Variants in RGS7 observed in about 807,000 individuals in gnomAD.
The protein encoded by RGS7 is regulator of G-protein signaling 7.
RGS7 carries 27 observed loss-of-function variants against 81.1 expected under a neutral mutation model. That is an observed-to-expected ratio of 0.33 (90% confidence interval 0.25 to 0.46). The LOEUF is 0.46. Ranked by LOEUF, RGS7 falls within the 20% of genes least tolerant of loss-of-function variation. RGS7 has a pLI of 1.00. For synonymous variants in RGS7, 208 were observed against 207.7 expected (o/e 1.00, Z -0.01); for missense variants, 396 against 607.4 (o/e 0.65, Z 3.66).
At chr1:240,883,733 A>G (rs1666832230) in intron 6 of RGS7, among the ~76,000 whole-genome samples, 1 of 152,166 alleles carries the variant, frequency 6.6e-6, no homozygotes, top group Non-Finnish European at 1.5e-5. Flanking sequence ...TTTGTGGGAC[A>G]TGTGGTGCCA....
chr1:240,925,282 T>TC (rs1186028228), intron 6 of RGS7, among the ~76,000 whole-genome samples: 1 of 151,850 alleles, frequency 6.6e-6, no homozygotes, highest in African/African-American at 2.4e-5. Flanking sequence ...CCTCCATCAT[T>TC]CCCCCCACCA....
intron 6 of RGS7, among the ~76,000 whole-genome samples, chr1:240,918,487 T>A (rs1030581511): frequency 6.6e-6 from 1 of 152,008 alleles, no homozygotes; most frequent in African/African-American, 2.4e-5. Context: ...ACAGTACACT[T>A]CTAAACAACA....
chr1:241,108,720 T>G (rs1348073377), intron 2 of RGS7, among the ~76,000 whole-genome samples: 1 of 152,098 alleles, frequency 6.6e-6, no homozygotes, highest in Non-Finnish European at 1.5e-5. Context: ...GTAGGCAGGA[T>G]AGAGAGCTAT....
chr1:240,929,009 A>C (rs1035797827), intron 6 of RGS7, among the ~76,000 whole-genome samples: 1 of 152,262 alleles, frequency 6.6e-6, no homozygotes, highest in African/African-American at 2.4e-5. Context: ...AGTATGTGAG[A>C]GGACCAATAC....
At chr1:240,837,502 G>C (rs981329886) in intron 9 of RGS7, among the ~76,000 whole-genome samples, 1 of 152,182 alleles carries the variant, frequency 6.6e-6, no homozygotes, top group East Asian at 1.9e-4. Flanking sequence ...GCATTATACT[G>C]TTCCTCTGGT....
chr1:240,999,872 C>T (rs946015809), intron 3 of RGS7, among the ~76,000 whole-genome samples: 14 of 152,180 alleles, frequency 9.2e-5, no homozygotes, highest in African/African-American at 3.1e-4. Flanking sequence ...CAAAGTGCTG[C>T]GACTACAGGC....
At chr1:240,838,078 A>T (rs1351154890) in intron 9 of RGS7, among the ~76,000 whole-genome samples, 1 of 152,238 alleles carries the variant, frequency 6.6e-6, no homozygotes, top group Non-Finnish European at 1.5e-5. Context: ...TCAGACTTCT[A>T]TAACAAAATA....
rs61833785 is a variant in RGS7, at chr1:241,201,854, G to T, written c.79-103092C>A. 1.8e-3 allele frequency among the ~76,000 whole-genome samples: 273 copies of T among 152,146 alleles called. 1 individual carries two copies. The highest frequency in any genetic ancestry group is 7.5e-3 in the South Asian group (36 of 4,810). ...AGCCAGGATCAGAATCCAAGACTTT[G>T]GGATTCCAAAGTCAATTTTCTTTAT... On this transcript the variant is annotated intron_variant, in intron 2 of 18. Coordinates refer to ENST00000440928, the MANE Select transcript of RGS7 (RefSeq NM_001364886.1).
chr1:240,779,171 A>C (rs1294043451), intron 18 of RGS7, among the ~76,000 whole-genome samples: 1 of 149,136 alleles, frequency 6.7e-6, no homozygotes, highest in Non-Finnish European at 1.5e-5. Flanking sequence ...CTGGAGTGCA[A>C]TGGCGCAATC....
At chr1:240,776,326 T>C in intron 18 of RGS7, 113 bp from the exon 19 acceptor site, 1 of 796,838 alleles carries the variant, frequency 1.3e-6, no homozygotes, top group South Asian at 1.4e-5. Context: ...AGGTCAACAC[T>C]GAACCCTTTA....
At chr1:240,859,700 T>G (rs1572455816) in intron 9 of RGS7, among the ~76,000 whole-genome samples, 1 of 152,058 alleles carries the variant, frequency 6.6e-6, no homozygotes, top group African/African-American at 2.4e-5. Flanking sequence ...CTCTTGCCAT[T>G]CTCATTGATA....
chr1:240,949,164 G>A (rs1679138424), intron 4 of RGS7, among the ~76,000 whole-genome samples: 1 of 152,146 alleles, frequency 6.6e-6, no homozygotes, highest in Non-Finnish European at 1.5e-5. Flanking sequence ...TTTCTCCCCA[G>A]TTCTCCTAAA....
At chr1:240,981,797 A>G (rs1684956335) in intron 4 of RGS7, among the ~76,000 whole-genome samples, 1 of 152,204 alleles carries the variant, frequency 6.6e-6, no homozygotes, top group African/African-American at 2.4e-5. Flanking sequence ...TTTGAGCTGC[A>G]TCTTTTGATG....
intron 4 of RGS7, among the ~76,000 whole-genome samples, chr1:240,963,138 G>A (rs545492415): frequency 6.6e-6 from 1 of 152,166 alleles, no homozygotes; most frequent in East Asian, 1.9e-4. Context: ...GGAATGAGGA[G>A]TGAGATAGTG....
chr1:240,789,601 G>T (rs568687377), intron 18 of RGS7, among the ~76,000 whole-genome samples: 1 of 152,178 alleles, frequency 6.6e-6, no homozygotes, highest in African/African-American at 2.4e-5. Context: ...TTTTACGGTC[G>T]TAGCTGTGGG....
intron 3 of RGS7, chr1:240,998,448 C>T (rs12750917): frequency 0.51 from 421,529 of 826,646 alleles, 109,711 homozygotes; most frequent in East Asian, 0.65. Flanking sequence ...AAAGAGGTTT[C>T]GTCAAAAAGA....
chr1:240,966,219 A>G (rs1553369547), intron 4 of RGS7, among the ~76,000 whole-genome samples: 2 of 152,150 alleles, frequency 1.3e-5, no homozygotes, highest in African/African-American at 2.4e-5. Flanking sequence ...AAATGATCCG[A>G]CCTTGAATTG....
intron 4 of RGS7, among the ~76,000 whole-genome samples, chr1:240,970,320 G>A (rs926716945): frequency 1.3e-5 from 2 of 152,218 alleles, no homozygotes; most frequent in South Asian, 2.1e-4. Context: ...AAACTTCAAC[G>A]TATGGCCTTC....
intron 5 of RGS7, among the ~76,000 whole-genome samples, chr1:240,931,661 C>G (rs545752022): frequency 3.9e-5 from 6 of 152,036 alleles, no homozygotes; most frequent in Non-Finnish European, 8.8e-5. Context: ...ACTTGTTTCT[C>G]TAAAGTTTTA....
Sources: allele counts gnomAD v4.1 joint callset (sites outside exome capture counted in the v4.1 genomes callset), GRCh38; gene constraint gnomAD v4.1.1; transcripts MANE v1.5; gene names NCBI Gene and HGNC (gene_info 2026-07-23, HGNC 2026-07-21).